DOK6: variants seen among roughly 807,000 people sequenced by gnomAD.
DOK6 encodes downstream of tyrosine kinase 6.
A neutral mutation model predicts 44.0 loss-of-function variants in DOK6; 22 were observed. The ratio of observed to expected loss-of-function variants is 0.50; its 90% CI spans 0.36 to 0.71. The LOEUF (loss-of-function observed/expected upper bound fraction) is 0.71, where lower values mean the gene tolerates loss of function less well. DOK6 is among the 30% of genes least tolerant of loss of function. The pLI, the probability that DOK6 is intolerant of heterozygous loss-of-function variation, is 0.00. For synonymous variants in DOK6, 166 were observed against 145.5 expected, an observed-to-expected ratio of 1.14 and a Z score of -1.01; for missense variants, 340 against 416.4, an observed-to-expected ratio of 0.82 and a Z score of 1.60.
chr18:69,806,611 G>T (rs981831731), intron 7 of DOK6, among the ~76,000 whole-genome samples: 4 of 151,866 alleles, frequency 2.6e-5, no homozygotes, highest in Non-Finnish European at 5.9e-5. Context: ...AATGCATTTT[G>T]ATTTAATTTT....
In DOK6 at chr18:69,509,331, A is replaced by G. The variant is rs144963329; in HGVS notation, c.67-55156A>G. 7.6e-3 allele frequency among the ~76,000 whole-genome samples: 1,157 copies of G among 152,318 alleles called. 7 individuals are homozygous for G. Among genetic ancestry groups the G allele is most frequent in the African/African-American group, 0.027 (1,109 of 41,566 alleles). On this transcript the variant is annotated intron_variant, in intron 1 of 7. Coordinates refer to ENST00000382713, the MANE Select transcript of DOK6 (RefSeq NM_152721.6). The stretch of plus-strand genomic sequence containing the variant: ...AACAAAATGTTATGCCGATAATCAC[A>G]AAATTAATTTTAAAGCCAGGATATG...
chr18:69,544,212 C>T (rs963963093), intron 1 of DOK6, among the ~76,000 whole-genome samples: 2 of 151,022 alleles, frequency 1.3e-5, no homozygotes, highest in South Asian at 2.1e-4. Flanking sequence ...GAGCTGAGAT[C>T]GAGCCATTGC....
At chr18:69,586,897 C>T (rs1028647587) in intron 2 of DOK6, among the ~76,000 whole-genome samples, 1 of 152,042 alleles carries the variant, frequency 6.6e-6, no homozygotes, top group South Asian at 2.1e-4. Flanking sequence ...GCTGTGTGGA[C>T]TTCCTAGCAA....
intron 3 of DOK6, among the ~76,000 whole-genome samples, chr18:69,635,138 G>A (rs1984774210): frequency 6.6e-6 from 1 of 152,162 alleles, no homozygotes; most frequent in South Asian, 2.1e-4. Flanking sequence ...TGGCTTTCCT[G>A]TTGACACCGG....
intron 7 of DOK6, among the ~76,000 whole-genome samples, chr18:69,836,406 A>G (rs894073908): frequency 6.6e-6 from 1 of 152,150 alleles, no homozygotes; most frequent in Non-Finnish European, 1.5e-5. Flanking sequence ...GCATGTATAC[A>G]TACCTTAGTG....
chr18:69,768,954 C>CGTGTGTGTGTGTGT (rs61202412), intron 7 of DOK6, among the ~76,000 whole-genome samples: 4,800 of 142,616 alleles, frequency 0.034, 150 homozygotes, highest in Middle Eastern at 0.05. Flanking sequence ...GAAGGGTGTG[C>CGTGTGTGTGTGTGT]GTGTGTGTGT....
intron 1 of DOK6, among the ~76,000 whole-genome samples, chr18:69,464,422 T>C (rs1190639612): frequency 6.6e-6 from 1 of 152,244 alleles, no homozygotes; most frequent in East Asian, 1.9e-4. Context: ...ATGTTCTTTG[T>C]ATCTTCAGCT....
In DOK6 at chr18:69,766,545, A is replaced by C. The variant is rs142230330; in HGVS notation, c.856+8672A>C. Among the ~76,000 whole-genome samples the C allele has an allele frequency of 3.3e-5, 5 of 152,340 alleles. No homozygotes were observed. In the East Asian group the frequency reaches 7.7e-4, roughly 23 times the overall value. On this transcript the variant is annotated intron_variant, in intron 7 of 7. Coordinates refer to ENST00000382713, the MANE Select transcript of DOK6 (RefSeq NM_152721.6). ...ATATTTGGGTTTACACGTATTATAT[A>C]CTGTATTCTTACAATAAAGAAGTAA...
chr18:69,739,249 T>A, intron 6 of DOK6, 146 bp downstream of exon 6: 1 of 1,029,002 alleles, frequency 9.7e-7, no homozygotes, highest in Non-Finnish European at 1.4e-6. Context: ...CCCTCTCATC[T>A]CTCTAATATC....
chr18:69,716,994 T>C (rs2144720238), intron 5 of DOK6, among the ~76,000 whole-genome samples: 1 of 152,340 alleles, frequency 6.6e-6, no homozygotes, highest in East Asian at 1.9e-4. Context: ...TCTTCCATGG[T>C]ATTTCACATA....
chr18:69,445,795 A>G (rs1326244388), intron 1 of DOK6, among the ~76,000 whole-genome samples: 1 of 152,122 alleles, frequency 6.6e-6, no homozygotes, highest in African/African-American at 2.4e-5. Flanking sequence ...CTGACACGGG[A>G]GGATCACTTG....
chr18:69,654,768 T>A (rs1018043984), intron 3 of DOK6, among the ~76,000 whole-genome samples: 8 of 152,166 alleles, frequency 5.3e-5, no homozygotes, highest in African/African-American at 1.4e-4. Context: ...TTTAAAGAAT[T>A]CTAGGCTCAT....
intron 3 of DOK6, among the ~76,000 whole-genome samples, chr18:69,621,465 T>C (rs978260434): frequency 4.6e-5 from 7 of 152,216 alleles, no homozygotes; most frequent in African/African-American, 1.7e-4. Context: ...TCTGTAGGAA[T>C]GTATATATTT....
At chr18:69,551,835 G>T (rs1349934176) in intron 1 of DOK6, among the ~76,000 whole-genome samples, 1 of 152,054 alleles carries the variant, frequency 6.6e-6, no homozygotes, top group Non-Finnish European at 1.5e-5. Flanking sequence ...TCTTTCCAAA[G>T]ATGTATTTAC....
chr18:69,751,391 A>G (rs916272230), intron 6 of DOK6, among the ~76,000 whole-genome samples: 3 of 152,238 alleles, frequency 2.0e-5, no homozygotes, highest in African/African-American at 7.2e-5. Context: ...GTACAGTTAA[A>G]AAGTACTTAA....
intron 3 of DOK6, among the ~76,000 whole-genome samples, chr18:69,602,481 T>A (rs956057917): frequency 6.6e-6 from 1 of 152,162 alleles, no homozygotes; most frequent in Admixed American, 6.6e-5. Flanking sequence ...GAAGGCCTGA[T>A]GAATAAATGT....
intron 1 of DOK6, among the ~76,000 whole-genome samples, chr18:69,538,502 C>T (rs1439845978): frequency 6.6e-6 from 1 of 152,102 alleles, no homozygotes; most frequent in South Asian, 2.1e-4. Flanking sequence ...CTACCTCAGC[C>T]TCCAAAGTAG....
In DOK6 at chr18:69,506,487, A is replaced by G. The variant is rs144178370; in HGVS notation, c.67-58000A>G. Among the ~76,000 whole-genome samples the G allele has an allele frequency of 2.6e-3, 389 of 152,292 alleles. 1 individual carries two copies. The highest frequency in any genetic ancestry group is 8.9e-3 in the African/African-American group (370 of 41,576). On this transcript the variant is annotated intron_variant, in intron 1 of 7. Coordinates refer to ENST00000382713, the MANE Select transcript of DOK6 (RefSeq NM_152721.6). ...TTTTGCCTTTGTAAGTGTCGAAGAA[A>G]TGAAATCAGACACAACATAACCTTT...
rs73455023 is a variant in DOK6 at position 69,717,568 on chromosome 18, G to A, written c.599+18975G>A. The stretch of plus-strand genomic sequence containing the variant: ...GGAGGGAGCATGCCATGGCTCCAGG[G>A]GGCCACAAAGAGAAGTACTGGGTTT... On this transcript the variant is annotated intron_variant, in intron 5 of 7. Coordinates refer to ENST00000382713, the MANE Select transcript of DOK6 (RefSeq NM_152721.6). Among the ~76,000 whole-genome samples, 1,313 of 152,242 alleles carry A rather than the reference G, an allele frequency of 8.6e-3. 17 individuals carry two copies. The highest frequency in any genetic ancestry group is 0.03 in the African/African-American group (1,234 of 41,528).
Sources: gnomAD v4.1 joint callset for allele counts (sites outside exome capture counted in the v4.1 genomes callset) on GRCh38, gnomAD v4.1.1 for gene constraint, MANE v1.5 for transcripts, NCBI Gene and HGNC (gene_info 2026-07-23, HGNC 2026-07-21) for gene names.